Variants in SHANK1 observed in about 807,000 individuals in gnomAD.
SHANK1 encodes the protein SH3 and multiple ankyrin repeat domains 1, also known as SH3 and multiple ankyrin repeat domains protein 1.
SHANK1 carries 35 observed loss-of-function variants against 165.6 expected under a neutral mutation model. That is an observed-to-expected ratio of 0.21 (90% confidence interval 0.16 to 0.28). SHANK1 has a LOEUF of 0.28. Ranked by LOEUF, SHANK1 falls within the 10% of genes least tolerant of loss-of-function variation. SHANK1 has a pLI of 1.00. For missense variants in SHANK1, 2,681 were observed against 3,036.4 expected, an observed-to-expected ratio of 0.88 and a Z score of 2.75; for synonymous variants, 1,428 against 1,384.8, an observed-to-expected ratio of 1.03 and a Z score of -0.69.
chr19:50,688,351 C>T lies in SHANK1; in HGVS notation c.2173-293G>A, dbSNP rs537349193. Among the ~76,000 whole-genome samples the T allele has an allele frequency of 9.2e-5, 14 of 152,304 alleles. No homozygotes were observed. The South Asian group carries it at 1.0e-3, about 11-fold the overall frequency. Reference sequence around the variant, plus strand: ...TTTATTTTTAAAAGACAGGGTCTCTCTCTGTCACCCAGGTTGGGGTGCAGT... The same window carrying T: ...TTTATTTTTAAAAGACAGGGTCTCTTTCTGTCACCCAGGTTGGGGTGCAGT... On this transcript the variant is annotated intron_variant, in intron 17 of 23. Transcript: ENST00000293441. The surrounding 1 kb of genome is among the most constrained non-coding windows in gnomAD (Gnocchi z 6.7).
chr19:50,686,955 G>C lies in SHANK1; in HGVS notation c.2390-143C>G, dbSNP rs993732833. 2.2e-6 allele frequency: 3 copies of C among 1,348,352 alleles called. No individual in the cohort carries two copies. The highest frequency in any genetic ancestry group is 2.9e-6 in the Non-Finnish European group (3 of 1,019,346). The allele number at this position is 1,348,352 out of a possible 1,614,324, so 83.5% of individuals were successfully genotyped here. On this transcript the variant is annotated intron_variant, in intron 19 of 23. Coordinates refer to ENST00000293441, the MANE Select transcript of SHANK1 (RefSeq NM_016148.5). The surrounding 1 kb of genome is among the most constrained non-coding windows in gnomAD (Gnocchi z 5.7). Reference sequence around the variant, plus strand: ...GCAGTGAGGGGCCGGGGTCAGGGAGGGGCGAGTCCGCCGGCGGGGTCGGGA... The same window carrying C: ...GCAGTGAGGGGCCGGGGTCAGGGAGCGGCGAGTCCGCCGGCGGGGTCGGGA...
At chr19:50,693,411 C>T (rs1986606525) in intron 15 of SHANK1, among the ~76,000 whole-genome samples, 1 of 151,598 alleles carries the variant, frequency 6.6e-6, no homozygotes, top group Non-Finnish European at 1.5e-5. Flanking sequence ...CCTGCAGCAC[C>T]CCATTCAGGC....
rs567830516 is a variant in SHANK1, at chr19:50,667,971, G to C, written c.3989C>G (p.Thr1330Ser). The C allele has an allele frequency of 7.8e-4, 1,127 of 1,440,994 alleles. 10 individuals are homozygous for C. The African/African-American group carries it at 0.016, about 20-fold the overall frequency. The allele number at this position is 1,440,994 out of a possible 1,614,324, so 89.3% of individuals were successfully genotyped here. Residue 1330 changes from threonine to serine, a missense_variant, in exon 23 of 24, where the codon ACC (threonine) becomes AGC (serine). Around this residue, in one of 10 missense-constraint regions of SHANK1, gnomAD observed 1,713 missense variants for 1,630.2 expected, o/e 1.05. Coordinates refer to ENST00000293441, the MANE Select transcript of SHANK1 (RefSeq NM_016148.5). The surrounding 1 kb of genome is among the most constrained non-coding windows in gnomAD (Gnocchi z 5.7). ...CAGGGGTCGCGGGGGCAGGAAGCTG[G>C]TGAAGGCGCTGCTGCCCCCGCCACC... ...YGGGGGSSAFTSFLPPRPLVH... is the reference protein window; with the variant it reads ...YGGGGGSSAFSSFLPPRPLVH...
At chr19:50,687,734 C>T in intron 18 of SHANK1, 72 bp from the exon 19 acceptor site, 1 of 1,384,712 alleles carries the variant, frequency 7.2e-7, no homozygotes, top group South Asian at 1.5e-5. Flanking sequence ...CACCACAGGG[C>T]TCCCAGGGCT....
In SHANK1 at chr19:50,667,704, T is replaced by C; in HGVS notation, c.4256A>G (p.Glu1419Gly). 1 of 1,318,124 alleles carries C rather than the reference T, an allele frequency of 7.6e-7. No homozygotes were observed. The highest frequency in any genetic ancestry group is 9.6e-7 in the Non-Finnish European group (1 of 1,040,010). The allele number at this position is 1,318,124 out of a possible 1,614,324, so 81.7% of individuals were successfully genotyped here. Residue 1419 changes from glutamate to glycine, a missense_variant, in exon 23 of 24, where the codon GAG (glutamate) becomes GGG (glycine). This residue lies in a region of SHANK1 where 1,713 missense variants were observed against 1,630.2 expected (regional missense o/e 1.05). Coordinates refer to ENST00000293441, the MANE Select transcript of SHANK1 (RefSeq NM_016148.5). The surrounding 1 kb of genome is among the most constrained non-coding windows in gnomAD (Gnocchi z 5.7). ...GASPPDPARR[E>G]LGYRAGLGSQ... ...GCCCAGCCCGGCCCTGTACCCCAGC[T>C]CCCGGCGCGCAGGGTCCGGCGGGGA...
Position 50,686,600 on chromosome 19 carries a change from G to A in SHANK1, c.2458+144C>T, listed in dbSNP as rs1599853781. 2.5e-6 allele frequency: 2 copies of A among 790,396 alleles called. No homozygotes were observed. The highest frequency in any genetic ancestry group is 2.7e-5 in the East Asian group (1 of 37,316). The allele number at this position is 790,396 out of a possible 1,614,324, so 49.0% of individuals were successfully genotyped here. A position where few individuals can be genotyped will look rare whatever the true frequency, so the allele number is the denominator to read the frequency against. ...GGAACGGGGCAGCCGTCGGGAGAGGGCGGGCGGAGGGAGGGGAGGTGGGAT... is the reference window on the plus strand; with the variant it reads ...GGAACGGGGCAGCCGTCGGGAGAGGACGGGCGGAGGGAGGGGAGGTGGGAT... On this transcript the variant is annotated intron_variant, in intron 20 of 23. Coordinates refer to ENST00000293441, the MANE Select transcript of SHANK1 (RefSeq NM_016148.5). The surrounding 1 kb of genome is among the most constrained non-coding windows in gnomAD (Gnocchi z 5.7).
intron 21 of SHANK1, among the ~76,000 whole-genome samples, chr19:50,672,758 C>T (rs1985845330): frequency 1.3e-5 from 2 of 152,074 alleles, no homozygotes; most frequent in African/African-American, 2.4e-5. Flanking sequence ...CCTCTTCCCT[C>T]ATCTCCCTGC....
At position 50,666,474 on chromosome 19, in the gene SHANK1, G is replaced by A. The variant is rs370613229; in HGVS notation, c.5486C>T (p.Thr1829Met). ...CAGCTTCCGGGGCAGAGAGGAGGCCGTCGGCAAGGGCACCGGTGGGACTTC... is the reference window on the plus strand; with the variant it reads ...CAGCTTCCGGGGCAGAGAGGAGGCCATCGGCAAGGGCACCGGTGGGACTTC... ...EPEVPPVPLP[T>M]ASSLPRKLLP... The change falls in exon 23 of 24, where the codon ACG becomes ATG. Residue 1829 changes from threonine to methionine, a missense_variant. Around this residue, in one of 10 missense-constraint regions of SHANK1, gnomAD observed 1,713 missense variants for 1,630.2 expected, o/e 1.05. Coordinates refer to ENST00000293441, the MANE Select transcript of SHANK1 (RefSeq NM_016148.5). The A allele has an allele frequency of 2.7e-5, 44 of 1,601,366 alleles. No individual in the cohort carries two copies. Among genetic ancestry groups the A allele is most frequent in the Middle Eastern group, 1.7e-4 (1 of 5,956 alleles).
In SHANK1 at chr19:50,668,697, G is replaced by A. The variant is rs1178710250; in HGVS notation, c.3263C>T (p.Pro1088Leu). Reference sequence around the variant, plus strand: ...CATGGCTGCGCTGGCCGCCCGCGGGGGCAGCTGGAAATAGCGTAGAGCCGG... The same window carrying A: ...CATGGCTGCGCTGGCCGCCCGCGGGAGCAGCTGGAAATAGCGTAGAGCCGG... ...QGPALRYFQL[P>L]PRAASAAMYV... Residue 1088 changes from proline (P) to leucine (L), a missense_variant, in exon 23 of 24, where the codon CCC becomes CTC. Around this residue, in one of 10 missense-constraint regions of SHANK1, gnomAD observed 1,713 missense variants for 1,630.2 expected, o/e 1.05. Transcript: ENST00000293441. 1.5e-6 allele frequency: 2 copies of A among 1,303,164 alleles called. No individual in the cohort carries two copies. Among genetic ancestry groups the A allele is most frequent in the Middle Eastern group, 5.7e-4 (2 of 3,492 alleles). The allele number at this position is 1,303,164 out of a possible 1,614,324, so 80.7% of individuals were successfully genotyped here. A position where few individuals can be genotyped will look rare whatever the true frequency, so the allele number is the denominator to read the frequency against.
intron 16 of SHANK1, 102 bp downstream of exon 16, chr19:50,689,095 G>A: frequency 1.8e-6 from 2 of 1,141,352 alleles, no homozygotes; most frequent in Non-Finnish European, 2.6e-6. Context: ...GGGGTGGGGT[G>A]GTGGGCGGGC....
At chr19:50,687,146 G>T in intron 19 of SHANK1, 2 of 622,674 alleles carry the variant, frequency 3.2e-6, no homozygotes, top group Admixed American at 7.9e-5. Flanking sequence ...CGGGGTGGGG[G>T]CGGTCAGCTG....
intron 23 of SHANK1, among the ~76,000 whole-genome samples, chr19:50,665,120 A>G (rs1231678178): frequency 6.6e-6 from 1 of 152,170 alleles, no homozygotes; most frequent in African/African-American, 2.4e-5. Context: ...AGACAACAGA[A>G]GCTACTGAAA....
rs759737751 is a variant in SHANK1, at chr19:50,688,923, G to A, written c.2093C>T (p.Ala698Val). The A allele has an allele frequency of 3.8e-6, 6 of 1,561,836 alleles. No homozygotes were observed. Among genetic ancestry groups the A allele is most frequent in the Non-Finnish European group, 5.2e-6 (6 of 1,152,568 alleles). ...GTCCACCGACTCCAGGTACTGCAGC[G>A]CCGGGAAGGCCGGGGTGGGGGTGAA... ...EEFTPTPAFP[A>V]LQYLESVDEG... The change falls in exon 17 of 24, where the codon GCG (alanine) becomes GTG (valine). Residue 698 changes from alanine (A) to valine (V), a missense_variant. Ala to Val is a moderately conservative substitution (Grantham distance 64). Coordinates refer to ENST00000293441, the MANE Select transcript of SHANK1 (RefSeq NM_016148.5). The surrounding 1 kb of genome is among the most constrained non-coding windows in gnomAD (Gnocchi z 6.7).
In SHANK1 at chr19:50,688,714, G is replaced by A. The variant is rs563410820; in HGVS notation, c.2172+130C>T. On this transcript the variant is annotated intron_variant, in intron 17 of 23. Transcript: ENST00000293441. This position sits in a 1 kb window ranked among gnomAD's most constrained non-coding sequence, Gnocchi z 6.7. ...TGGGGAAAGCAGAGGCTGGCTGGGGGGTGGGCAGGGGGCTGGGAATCCTGG... is the reference window on the plus strand; with the variant it reads ...TGGGGAAAGCAGAGGCTGGCTGGGGAGTGGGCAGGGGGCTGGGAATCCTGG... 2 of 799,472 alleles carry A rather than the reference G, an allele frequency of 2.5e-6. No individual in the cohort carries two copies. The highest frequency in any genetic ancestry group is 4.0e-6 in the Non-Finnish European group (2 of 502,208). 49.5% of individuals were successfully genotyped at this position (799,472 alleles called of 1,614,324 possible).
chr19:50,690,415 A>G lies in SHANK1; in HGVS notation c.1965-1136T>C, dbSNP rs936262902. On this transcript the variant is annotated intron_variant, in intron 15 of 23. Transcript: ENST00000293441. This position sits in a 1 kb window ranked among gnomAD's most constrained non-coding sequence, Gnocchi z 4.9. ...CCCAGAGGATCCGACACCCCAGTCT[A>G]CATCAGGAATACTCAGACACCCTGG... Among the ~76,000 whole-genome samples the G allele has an allele frequency of 3.9e-5, 6 of 152,082 alleles. No individual in the cohort carries two copies. Among genetic ancestry groups the G allele is most frequent in the African/African-American group, 1.5e-4 (6 of 41,376 alleles).
chr19:50,689,384 C>T, intron 15 of SHANK1, 105 bp from the exon 16 acceptor site: 1 of 821,572 alleles, frequency 1.2e-6, no homozygotes, highest in Non-Finnish European at 2.2e-6. Flanking sequence ...CAAACCTCTG[C>T]TCCAGGGCCA....
Position 50,688,984 on chromosome 19 carries a change from A to G in SHANK1, c.2048-16T>C. 6.6e-7 allele frequency: 1 copy of G among 1,508,316 alleles called. No homozygotes were observed. The highest frequency in any genetic ancestry group is 9.0e-7 in the Non-Finnish European group (1 of 1,113,012). The allele number at this position is 1,508,316 out of a possible 1,614,324, so 93.4% of individuals were successfully genotyped here. A position where few individuals can be genotyped will look rare whatever the true frequency, so the allele number is the denominator to read the frequency against. On this transcript the variant is annotated splice_polypyrimidine_tract_variant and intron_variant, in intron 16 of 23. Coordinates refer to ENST00000293441, the MANE Select transcript of SHANK1 (RefSeq NM_016148.5). This position sits in a 1 kb window ranked among gnomAD's most constrained non-coding sequence, Gnocchi z 6.7. ...GGGGTCTGCGCTGCAGACAGGGAGGAGCCGGCGGGGTCGGAGGGGAGGGGG... is the reference window on the plus strand; with the variant it reads ...GGGGTCTGCGCTGCAGACAGGGAGGGGCCGGCGGGGTCGGAGGGGAGGGGG...
At position 50,717,591 on chromosome 19, in the gene SHANK1, G is replaced by C. The variant is rs1364908185; in HGVS notation, c.-43-629C>G. On this transcript the variant is annotated intron_variant, in intron 1 of 23. Transcript: ENST00000293441. This position sits in a 1 kb window ranked among gnomAD's most constrained non-coding sequence, Gnocchi z 5.5. ...GGGAGCAAGGGGCACTGAGATGGGG[G>C]TGTCATGGGCAGAGCATTTGGCCTA... 6.6e-6 allele frequency among the ~76,000 whole-genome samples: 1 copy of C among 152,210 alleles called. No individual in the cohort carries two copies. The highest frequency in any genetic ancestry group is 2.4e-5 in the African/African-American group (1 of 41,442).
chr19:50,667,158 G>C lies in SHANK1; in HGVS notation c.4802C>G (p.Pro1601Arg), dbSNP rs372674663. The change falls in exon 23 of 24, where the codon CCG becomes CGG. Residue 1601 changes from proline (P) to arginine (R), a missense_variant. By Grantham distance (103) the Pro-to-Arg change is moderately radical. Coordinates refer to ENST00000293441, the MANE Select transcript of SHANK1 (RefSeq NM_016148.5). The surrounding 1 kb of genome is among the most constrained non-coding windows in gnomAD (Gnocchi z 5.7). ...AGCCGGGGGTGGCACAGGGGGTAAC[G>C]GGGTGGCAGGGGCAGGTGTGTCGGG... ...PLPDTPAPAT[P>R]LPPVPPPAVA... The C allele has an allele frequency of 2.2e-4, 339 of 1,557,850 alleles. No homozygotes were observed. The highest frequency in any genetic ancestry group is 2.8e-4 in the Non-Finnish European group (325 of 1,158,440).
Sources: allele counts gnomAD v4.1 joint callset (sites outside exome capture counted in the v4.1 genomes callset), GRCh38; gene constraint gnomAD v4.1.1; regional missense constraint gnomAD v4.1.1; non-coding constraint Gnocchi (gnomAD v3.1); transcripts MANE v1.5; gene names NCBI Gene and HGNC (gene_info 2026-07-23, HGNC 2026-07-21).